XDH: variants seen among roughly 807,000 people sequenced by gnomAD.
XDH encodes xanthine dehydrogenase.
Under a neutral mutation model 156.1 loss-of-function variants are expected in XDH, and 138 were observed. The ratio of observed to expected loss-of-function variants is 0.88; its 90% CI spans 0.77 to 1.02. XDH has a LOEUF of 1.02. Among genes scored for constraint, XDH ranks in the 50% least tolerant of loss-of-function variants. The probability of loss-of-function intolerance (pLI) is 0.00; values close to 1 mark genes in which losing one functional copy is unlikely to be tolerated. For missense variants in XDH, 1,849 were observed against 1,684.9 expected (o/e 1.10, Z -1.71); for synonymous variants, 669 against 625.7 (o/e 1.07, Z -1.03).
chr2:31,366,509 C>A (rs1315966247), intron 21 of XDH, among the ~76,000 whole-genome samples: 2 of 152,176 alleles, frequency 1.3e-5, no homozygotes, highest in Non-Finnish European at 2.9e-5. Context: ...AATCCAACAC[C>A]TTCATTTTAC....
At position 31,335,936 on chromosome 2, in the gene XDH, G is replaced by C. The variant is rs952966053; in HGVS notation, c.*22C>G. ...TGGAAGCCCAAAGGCAGCACAAGAA[G>C]ACTCTGCTGAGGACTCTCTCTTTAG... On this transcript the variant is annotated 3_prime_UTR_variant, in exon 36 of 36. Transcript: ENST00000379416. 6 of 1,613,842 alleles carry C rather than the reference G, an allele frequency of 3.7e-6. No individual in the cohort carries two copies. Among genetic ancestry groups the C allele is most frequent in the African/African-American group, 1.3e-5 (1 of 74,906 alleles).
rs1177604405 is a variant in XDH at position 31,372,163 on chromosome 2, C to T, written c.1856+65G>A. On this transcript the variant is annotated intron_variant, in intron 17 of 35. Coordinates refer to ENST00000379416, the MANE Select transcript of XDH (RefSeq NM_000379.4). The stretch of plus-strand genomic sequence containing the variant: ...CATGGCCTAGCAGGGTGAGAGAAGT[C>T]TCCTGGGTACTCCCAGTGGCCCCCT... 5 of 1,612,456 alleles carry T rather than the reference C, an allele frequency of 3.1e-6. No individual in the cohort carries two copies. In the African/African-American group the frequency reaches 6.7e-5, roughly 22 times the overall value.
intron 6 of XDH, among the ~76,000 whole-genome samples, chr2:31,393,397 G>A (rs1231335230): frequency 6.6e-6 from 1 of 152,082 alleles, no homozygotes; most frequent in African/African-American, 2.4e-5. Context: ...CTTTTTCTCT[G>A]ATAACTGTTT....
intron 1 of XDH, among the ~76,000 whole-genome samples, chr2:31,409,170 G>A (rs1255016024): frequency 1.3e-5 from 2 of 152,016 alleles, no homozygotes; most frequent in East Asian, 3.9e-4. Flanking sequence ...AGGAAAGTAG[G>A]GATGGCTAAT....
Position 31,344,367 on chromosome 2 carries a change from A to G in XDH, c.3404+317T>C, listed in dbSNP as rs575415692. 9.2e-5 allele frequency among the ~76,000 whole-genome samples: 14 copies of G among 152,244 alleles called. No individual in the cohort carries two copies. In the South Asian group the frequency reaches 1.5e-3, roughly 16 times the overall value. On this transcript the variant is annotated intron_variant, in intron 31 of 35. Coordinates refer to ENST00000379416, the MANE Select transcript of XDH (RefSeq NM_000379.4). ...GAGGAATGGTTAGGTACTGGCCCCA[A>G]TACGTCACCCATGAGGAAACAGGGG...
rs376342473 is a variant in XDH at position 31,337,650 on chromosome 2, G to C, written c.3942C>G (p.Phe1314Leu). 2 of 1,614,082 alleles carry C rather than the reference G, an allele frequency of 1.2e-6. No individual in the cohort carries two copies. Residue 1314 changes from phenylalanine to leucine, a missense_variant, in exon 35 of 36, where the codon TTC becomes TTG. By Grantham distance (22) the Phe-to-Leu change is conservative. Transcript: ENST00000379416. Reference sequence around the variant, plus strand: ...TTGAGGGGCATCATACCAGGGTGGTGAACTTGTCCACGCAGGCATTGCGGA... The same window carrying C: ...TTGAGGGGCATCATACCAGGGTGGTCAACTTGTCCACGCAGGCATTGCGGA... ...EKIRNACVDK[F>L]TTLCVTGVPE...
At chr2:31,346,962 C>T in intron 29 of XDH, 119 bp from the exon 30 acceptor site, 1 of 1,343,432 alleles carries the variant, frequency 7.4e-7, no homozygotes, top group Admixed American at 1.8e-5. Flanking sequence ...GGGTGCCACT[C>T]AAACAGCCTG....
chr2:31,397,097 G>A (rs1004999439), intron 6 of XDH, among the ~76,000 whole-genome samples: 13 of 152,238 alleles, frequency 8.5e-5, no homozygotes, highest in African/African-American at 2.9e-4. Flanking sequence ...TTCCTTGCCA[G>A]ATGGCAGGTG....
intron 22 of XDH, among the ~76,000 whole-genome samples, 169 bp from the exon 23 acceptor site, chr2:31,365,713 A>G (rs564139364): frequency 1.2e-4 from 19 of 152,312 alleles, no homozygotes; most frequent in Middle Eastern, 3.4e-3. Flanking sequence ...GGTGGAGAAT[A>G]TAAGGAAGCG....
intron 15 of XDH, among the ~76,000 whole-genome samples, chr2:31,374,189 G>A (rs1293480509): frequency 6.6e-6 from 1 of 152,004 alleles, no homozygotes; most frequent in East Asian, 1.9e-4. Flanking sequence ...TAGACTGAAT[G>A]GTCTGTACTT....
intron 24 of XDH, among the ~76,000 whole-genome samples, chr2:31,357,660 T>A (rs1414945230): frequency 6.6e-6 from 1 of 151,770 alleles, no homozygotes; most frequent in Non-Finnish European, 1.5e-5. Context: ...ATAATATTTT[T>A]AAATATATGA....
At chr2:31,361,254 T>C (rs1268134690) in intron 24 of XDH, among the ~76,000 whole-genome samples, 3 of 152,260 alleles carry the variant, frequency 2.0e-5, no homozygotes, top group African/African-American at 7.2e-5. Flanking sequence ...CCATGTCAGA[T>C]GTTGCCTTCA....
At position 31,344,749 on chromosome 2, in the gene XDH, G is replaced by C; in HGVS notation, c.3352-13C>G. ...AGGCAGCTGTGACCTGAGGAGAGGA[G>C]ATGGCCATCAGGCAGGTGAAGTGAG... On this transcript the variant is annotated splice_polypyrimidine_tract_variant and intron_variant, in intron 30 of 35. Coordinates refer to ENST00000379416, the MANE Select transcript of XDH (RefSeq NM_000379.4). The C allele has an allele frequency of 6.2e-7, 1 of 1,614,112 alleles. No homozygotes were observed. Among genetic ancestry groups the C allele is most frequent in the East Asian group, 2.2e-5 (1 of 44,876 alleles).
chr2:31,375,256 A>G lies in XDH; in HGVS notation c.1602+124T>C, dbSNP rs78634201. ...CCATTTCCAAGATTCTTGTGCTGTG[A>G]CCCTGGTCCCTGCTATTCTGCCCTC... On this transcript the variant is annotated intron_variant, in intron 15 of 35. Coordinates refer to ENST00000379416, the MANE Select transcript of XDH (RefSeq NM_000379.4). 2.1e-3 allele frequency: 2,664 copies of G among 1,269,934 alleles called. 43 individuals are homozygous for G. In the African/African-American group the frequency reaches 0.034, roughly 16 times the overall value. 78.7% of individuals were successfully genotyped at this position (1,269,934 alleles called of 1,614,324 possible). A position where few individuals can be genotyped will look rare whatever the true frequency, so the allele number is the denominator to read the frequency against.
chr2:31,344,248 A>C (rs925879552), intron 31 of XDH, among the ~76,000 whole-genome samples: 1 of 152,236 alleles, frequency 6.6e-6, no homozygotes, highest in Non-Finnish European at 1.5e-5. Flanking sequence ...TCTATAAAAA[A>C]GTCCCACACA....
At chr2:31,375,747 A>C (rs190140040) in intron 14 of XDH, among the ~76,000 whole-genome samples, 193 bp from the exon 15 acceptor site, 131 of 152,368 alleles carry the variant, frequency 8.6e-4, no homozygotes, top group African/African-American at 3.1e-3. Context: ...AAAAATAGAT[A>C]CAATTTTAAA....
chr2:31,382,155 T>A (rs1686452220), intron 11 of XDH, among the ~76,000 whole-genome samples: 1 of 152,050 alleles, frequency 6.6e-6, no homozygotes, highest in South Asian at 2.1e-4. Context: ...GCAAAAAAAA[T>A]GTAAGAAGAA....
At chr2:31,404,082 A>T (rs1478143512) in intron 2 of XDH, among the ~76,000 whole-genome samples, 1 of 96,026 alleles carries the variant, frequency 1.0e-5, no homozygotes, top group Non-Finnish European at 2.2e-5. Context: ...TCACAGATTT[A>T]AAAAAAACAA....
At chr2:31,343,308 A>ATATATATATATGTATGTT (rs1553411656) in intron 31 of XDH, among the ~76,000 whole-genome samples, 1 of 98,490 alleles carries the variant, frequency 1.0e-5, no homozygotes, top group African/African-American at 4.7e-5. Context: ...ATATATATAT[A>ATATATATATATGTATGTT]TATATATATA....
Sources: gnomAD v4.1 joint callset for allele counts (sites outside exome capture counted in the v4.1 genomes callset) on GRCh38, gnomAD v4.1.1 for gene constraint, MANE v1.5 for transcripts, NCBI Gene and HGNC (gene_info 2026-07-23, HGNC 2026-07-21) for gene names.